The following AMPH variants were observed in gnomAD, a reference collection of about 807,000 sequenced individuals.
AMPH encodes the protein amphiphysin (Stiff-Mann syndrome with breast cancer 128kD autoantigen).
In AMPH, 49 loss-of-function variants were observed where a neutral mutation model predicts 99.1. The observed-to-expected ratio is 0.49, with a 90% CI of 0.39 to 0.63. The LOEUF (loss-of-function observed/expected upper bound fraction) is 0.63, where lower values mean the gene tolerates loss of function less well. Ranked by LOEUF, AMPH falls within the 20% of genes least tolerant of loss-of-function variation. The pLI, the probability that AMPH is intolerant of heterozygous loss-of-function variation, is 0.00. For missense variants in AMPH, 759 were observed against 863.4 expected (o/e 0.88, Z 1.52); for synonymous variants, 314 against 317.3 (o/e 0.99, Z 0.11).
chr7:38,624,638 T>C (rs1218830465), intron 1 of AMPH, among the ~76,000 whole-genome samples: 1 of 149,206 alleles, frequency 6.7e-6, no homozygotes, highest in East Asian at 1.9e-4. Flanking sequence ...TAAATGCCAC[T>C]GGATTTCACA....
intron 7 of AMPH, among the ~76,000 whole-genome samples, chr7:38,468,223 C>G (rs1787740570): frequency 6.6e-6 from 1 of 152,220 alleles, no homozygotes; most frequent in Non-Finnish European, 1.5e-5. Context: ...TAGCATCTCA[C>G]TGACTTTGAA....
intron 5 of AMPH, among the ~76,000 whole-genome samples, chr7:38,487,064 G>T (rs1788527145): frequency 6.6e-6 from 1 of 151,824 alleles, no homozygotes; most frequent in African/African-American, 2.4e-5. Context: ...GAAAAAATTA[G>T]GCAAGAAAGA....
chr7:38,533,698 T>C (rs1790495031), intron 2 of AMPH, among the ~76,000 whole-genome samples: 1 of 152,156 alleles, frequency 6.6e-6, no homozygotes, highest in Non-Finnish European at 1.5e-5. Context: ...CTGTGGACAC[T>C]GGTAACTCCA....
At chr7:38,547,387 C>T (rs1013599884) in intron 1 of AMPH, among the ~76,000 whole-genome samples, 10 of 151,638 alleles carry the variant, frequency 6.6e-5, no homozygotes, top group African/African-American at 2.4e-4. Context: ...GGTGTAGAAA[C>T]GGTGCAGAAA....
At chr7:38,610,876 G>C (rs934966535) in intron 1 of AMPH, among the ~76,000 whole-genome samples, 2 of 152,146 alleles carry the variant, frequency 1.3e-5, no homozygotes, top group South Asian at 2.1e-4. Context: ...AGCAGAATGA[G>C]AGAATAGAAA....
chr7:38,533,795 T>C (rs1790497837), intron 2 of AMPH, among the ~76,000 whole-genome samples: 1 of 152,140 alleles, frequency 6.6e-6, no homozygotes, highest in Non-Finnish European at 1.5e-5. Flanking sequence ...TCCCAAGCCC[T>C]TCTCAGCCTG....
At chr7:38,510,882 A>T (rs1480580484) in intron 2 of AMPH, among the ~76,000 whole-genome samples, 1 of 152,180 alleles carries the variant, frequency 6.6e-6, no homozygotes, top group Non-Finnish European at 1.5e-5. Context: ...TCAATTGTTC[A>T]CTAGTTTTTC....
chr7:38,543,548 G>A (rs78313895), intron 1 of AMPH, among the ~76,000 whole-genome samples: 12,610 of 152,198 alleles, frequency 0.083, 714 homozygotes, highest in Middle Eastern at 0.19. Flanking sequence ...ATCAAGCACA[G>A]ATCTAAGTGT....
intron 1 of AMPH, among the ~76,000 whole-genome samples, chr7:38,545,142 G>T (rs1047685765): frequency 2.0e-5 from 3 of 152,192 alleles, no homozygotes; most frequent in African/African-American, 7.2e-5. Flanking sequence ...AACCAAGAAA[G>T]CCTAGAGTGG....
At chr7:38,508,752 A>T (rs958905606) in intron 2 of AMPH, among the ~76,000 whole-genome samples, 2 of 152,230 alleles carry the variant, frequency 1.3e-5, no homozygotes, top group Non-Finnish European at 2.9e-5. Flanking sequence ...CTGAAGTAAC[A>T]TATCAAAATT....
chr7:38,555,686 T>C (rs937632892), intron 1 of AMPH, among the ~76,000 whole-genome samples: 1 of 152,188 alleles, frequency 6.6e-6, no homozygotes, highest in African/African-American at 2.4e-5. Flanking sequence ...TTCTGTATGA[T>C]AATAAGAAAA....
Position 38,394,208 on chromosome 7 carries a change from G to C in AMPH, c.1405C>G (p.Pro469Ala). 1 of 1,614,076 alleles carries C rather than the reference G, an allele frequency of 6.2e-7. No individual in the cohort carries two copies. The highest frequency in any genetic ancestry group is 8.5e-7 in the Non-Finnish European group (1 of 1,180,010). Residue 469 changes from proline (P) to alanine (A), a missense_variant, in exon 18 of 21, where the codon CCT (proline) becomes GCT (alanine). Pro to Ala is a conservative substitution (Grantham distance 27). Transcript: ENST00000356264. The stretch of plus-strand genomic sequence containing the variant: ...ACAGCTGCATCAGCATCAGCTCCAG[G>C]TATGATCTGCAGGGCAGAAACCAGC... The part of the protein sequence containing the change: ...EEPVEEAVII[P>A]GADADAAVGT...
intron 1 of AMPH, among the ~76,000 whole-genome samples, chr7:38,540,773 C>T: frequency 7.3e-6 from 1 of 136,298 alleles, no homozygotes; most frequent in Non-Finnish European, 1.5e-5. Context: ...GGCTGCAGGC[C>T]ACAAAGCAGT....
chr7:38,417,810 G>A lies in AMPH; in HGVS notation c.1398+15C>T. The A allele has an allele frequency of 6.2e-7, 1 of 1,613,344 alleles. No individual in the cohort carries two copies. The highest frequency in any genetic ancestry group is 8.5e-7 in the Non-Finnish European group (1 of 1,179,678). ...CAGCGAGGCAGATGGAGGGTGAGAG[G>A]GAGGTGGTGCTCACCACTGCCTCCT... On this transcript the variant is annotated intron_variant, in intron 17 of 20. Coordinates refer to ENST00000356264, the MANE Select transcript of AMPH (RefSeq NM_001635.4).
intron 2 of AMPH, among the ~76,000 whole-genome samples, chr7:38,525,339 C>T (rs541712544): frequency 7.0e-5 from 10 of 141,936 alleles, no homozygotes; most frequent in Non-Finnish European, 1.2e-4. Context: ...TGTACTCAGT[C>T]TTCCTTCACA....
intron 1 of AMPH, among the ~76,000 whole-genome samples, chr7:38,589,059 G>C (rs1402539194): frequency 1.3e-5 from 2 of 152,106 alleles, no homozygotes; most frequent in Admixed American, 6.5e-5. Flanking sequence ...AAGTAGGTGA[G>C]TCCATTCTTT....
chr7:38,614,128 G>A (rs1793784007), intron 1 of AMPH, among the ~76,000 whole-genome samples: 1 of 152,202 alleles, frequency 6.6e-6, no homozygotes, highest in African/African-American at 2.4e-5. Context: ...TCCCACTGAT[G>A]AGAGCTTAGC....
intron 11 of AMPH, among the ~76,000 whole-genome samples, chr7:38,451,382 A>G (rs1787022565): frequency 1.3e-5 from 2 of 149,624 alleles, no homozygotes; most frequent in Non-Finnish European, 2.9e-5. Flanking sequence ...GTATATACAC[A>G]TGTATATATA....
chr7:38,546,576 A>G (rs1452377964), intron 1 of AMPH, among the ~76,000 whole-genome samples: 1 of 152,224 alleles, frequency 6.6e-6, no homozygotes, highest in Non-Finnish European at 1.5e-5. Context: ...GGGACTTCAA[A>G]GAAATATTGT....
Sources: gnomAD v4.1 joint callset for allele counts (sites outside exome capture counted in the v4.1 genomes callset) on GRCh38, gnomAD v4.1.1 for gene constraint, MANE v1.5 for transcripts, NCBI Gene and HGNC (gene_info 2026-07-23, HGNC 2026-07-21) for gene names.